Variants in SZT2 observed in about 807,000 individuals in gnomAD.
The protein encoded by SZT2 is SZT2 subunit of KICSTOR complex.
Under a neutral mutation model 404.2 loss-of-function variants are expected in SZT2, and 216 were observed. The observed-to-expected ratio is 0.53, with a 90% CI of 0.48 to 0.60. SZT2 has a LOEUF of 0.60. Ranked by LOEUF, SZT2 falls within the 20% of genes least tolerant of loss-of-function variation. The pLI is 0.00. For synonymous variants in SZT2, 1,693 were observed against 1,749.9 expected (o/e 0.97, Z 0.81); for missense variants, 3,857 against 4,459.2 (o/e 0.86, Z 3.85).
Position 43,439,232 on chromosome 1 carries a change from A to G in SZT2, c.6793-126A>G. 2.0e-6 allele frequency: 3 copies of G among 1,513,370 alleles called. No individual in the cohort carries two copies. Among genetic ancestry groups the G allele is most frequent in the Non-Finnish European group, 2.7e-6 (3 of 1,096,160 alleles). The allele number at this position is 1,513,370 out of a possible 1,614,324, so 93.7% of individuals were successfully genotyped here. ...CACCCATGCCCCCCCGGGGACCATT[A>G]TTACCCGCCTGTGTCTTCTCATGCT... On this transcript the variant is annotated intron_variant, in intron 48 of 71. Transcript: ENST00000634258. This position sits in a 1 kb window ranked among gnomAD's most constrained non-coding sequence, Gnocchi z 4.2.
chr1:43,430,728 C>T lies in SZT2; in HGVS notation c.4713C>T (p.Cys1571=). 1.9e-6 allele frequency: 3 copies of T among 1,613,266 alleles called. No individual in the cohort carries two copies. Among genetic ancestry groups the T allele is most frequent in the Non-Finnish European group, 2.5e-6 (3 of 1,180,026 alleles). The change falls in exon 32 of 72, where the codon TGC becomes TGT. Residue 1571 remains cysteine, a synonymous_variant. Coordinates refer to ENST00000634258, the MANE Select transcript of SZT2 (RefSeq NM_001365999.1). The stretch of plus-strand genomic sequence containing the variant: ...CACCGCTCTTCCTGCACCTCACGTG[C>T]TCCGTGCGGCTACGTGGGCAGCACA... ...DLPPLFLHLT[C]SVRLRGQHSS...
rs1287297230 is a variant in SZT2, at chr1:43,420,311, A to C, written c.1249A>C (p.Thr417Pro). ...AGAGGGCTACAGTGTCCGAGAGGTC[A>C]CACTGGCCAAAGGTAAGGGTCATTA... is the stretch of plus-strand genomic sequence containing the variant. ...LREGYSVREV[T>P]LAKGGSQLEV... The change falls in exon 9 of 72, where the codon ACA becomes CCA. Residue 417 changes from threonine (T) to proline (P), a missense_variant. Physicochemically the swap from Thr to Pro is conservative, Grantham distance 38 (BLOSUM62 -1). Transcript: ENST00000634258. This position sits in a 1 kb window ranked among gnomAD's most constrained non-coding sequence, Gnocchi z 5.1. 2 of 1,592,700 alleles carry C rather than the reference A, an allele frequency of 1.3e-6. No homozygotes were observed. The highest frequency in any genetic ancestry group is 1.7e-6 in the Non-Finnish European group (2 of 1,176,912).
At position 43,426,742 on chromosome 1, in the gene SZT2, A is replaced by T; in HGVS notation, c.3242A>T (p.His1081Leu). The T allele has an allele frequency of 6.2e-7, 1 of 1,613,202 alleles. No individual in the cohort carries two copies. Among genetic ancestry groups the T allele is most frequent in the Non-Finnish European group, 8.5e-7 (1 of 1,179,700 alleles). Residue 1081 changes from histidine (H) to leucine (L), a missense_variant, in exon 23 of 72, where the codon CAT (histidine) becomes CTT (leucine). By Grantham distance (99) the His-to-Leu change is moderately conservative. Transcript: ENST00000634258. The surrounding 1 kb of genome is among the most constrained non-coding windows in gnomAD (Gnocchi z 4.9). ...PGAEGPLLGV[H>L]GIPKEQAVGS... ...GCCGAGGGGCCACTGCTGGGGGTTCATGGGATCCCGAAGGAGCAAGCAGTC... is the reference window on the plus strand; with the variant it reads ...GCCGAGGGGCCACTGCTGGGGGTTCTTGGGATCCCGAAGGAGCAAGCAGTC...
rs1391888607 is a variant in SZT2 at position 43,434,396 on chromosome 1, C to T, written c.5815C>T (p.Arg1939Trp). The T allele has an allele frequency of 5.0e-6, 8 of 1,593,924 alleles. No individual in the cohort carries two copies. Among genetic ancestry groups the T allele is most frequent in the South Asian group, 3.5e-5 (3 of 86,814 alleles). The change falls in exon 41 of 72, where the codon CGG (arginine) becomes TGG (tryptophan). Residue 1939 changes from arginine to tryptophan, a missense_variant. This residue lies in a region of SZT2 where 1,725 missense variants were observed against 1,881.0 expected (regional missense o/e 0.92). Transcript: ENST00000634258. ...EVYAHARSLIREDGGPGTECR... is the reference protein window; with the variant it reads ...EVYAHARSLIWEDGGPGTECR... The stretch of plus-strand genomic sequence containing the variant: ...ATCCTTCCTTCCCAGGAGCCTGATT[C>T]GGGAGGATGGGGGGCCGGGCACTGA...
chr1:43,438,878 C>T, intron 47 of SZT2, 51 bp from the exon 48 acceptor site: 1 of 1,613,230 alleles, frequency 6.2e-7, no homozygotes, highest in South Asian at 1.1e-5. Flanking sequence ...CCAGGACAGT[C>T]TAGGCTGGAA....
intron 51 of SZT2, 24 bp from the exon 52 acceptor site, chr1:43,440,429 G>A (rs546804027): frequency 1.3e-6 from 2 of 1,559,902 alleles, no homozygotes; most frequent in South Asian, 2.4e-5. Context: ...AGTGATGGGT[G>A]TCTGTAATGT....
Position 43,425,814 on chromosome 1 carries a change from C to T in SZT2, c.2815-21C>T, listed in dbSNP as rs1653074432. ...TGGGCTAAGAGGGGTTGACTCCTGA[C>T]CTCTGATGTTCTTCCTGTAGCTCCA... On this transcript the variant is annotated intron_variant, in intron 19 of 71. Coordinates refer to ENST00000634258, the MANE Select transcript of SZT2 (RefSeq NM_001365999.1). This position sits in a 1 kb window ranked among gnomAD's most constrained non-coding sequence, Gnocchi z 4.3. 2 of 1,610,666 alleles carry T rather than the reference C, an allele frequency of 1.2e-6. No individual in the cohort carries two copies. The highest frequency in any genetic ancestry group is 1.7e-6 in the Non-Finnish European group (2 of 1,177,130).
At chr1:43,399,092 GA>G (rs928816715) in intron 1 of SZT2, among the ~76,000 whole-genome samples, 3 of 151,420 alleles carry the variant, frequency 2.0e-5, no homozygotes, top group Non-Finnish European at 4.4e-5. Context: ...AAAAAAAAAA[GA>G]AAAAAATCAT....
Position 43,437,235 on chromosome 1 carries a change from T to G in SZT2, c.6099T>G (p.Pro2033=). 6.2e-7 allele frequency: 1 copy of G among 1,614,188 alleles called. No individual in the cohort carries two copies. The highest frequency in any genetic ancestry group is 8.5e-7 in the Non-Finnish European group (1 of 1,180,030). The change falls in exon 43 of 72, where the codon CCT becomes CCG. Residue 2033 remains proline, a synonymous_variant. Transcript: ENST00000634258. This position sits in a 1 kb window ranked among gnomAD's most constrained non-coding sequence, Gnocchi z 5.3. ...TGGCAGCCACAATGCAGTTTGTCCC[T>G]GGCCATTTCTCCTGTGACGTTGTGT... ...GYLAATMQFV[P]GHFSCDVVWG...
At position 43,425,166 on chromosome 1, in the gene SZT2, G is replaced by A; in HGVS notation, c.2604G>A (p.Gln868=). The A allele has an allele frequency of 6.2e-7, 1 of 1,614,176 alleles. No individual in the cohort carries two copies. Among genetic ancestry groups the A allele is most frequent in the Non-Finnish European group, 8.5e-7 (1 of 1,180,026 alleles). The change falls in exon 18 of 72, where the codon CAG becomes CAA. Residue 868 remains glutamine, a synonymous_variant. Transcript: ENST00000634258. The surrounding 1 kb of genome is among the most constrained non-coding windows in gnomAD (Gnocchi z 4.3). Reference sequence around the variant, plus strand: ...AAGAGAAGCACACCTGTGTTGTCCAGTACATCCTCTTCCCCCCACACTCTA... The same window carrying A: ...AAGAGAAGCACACCTGTGTTGTCCAATACATCCTCTTCCCCCCACACTCTA... ...AAEEKHTCVV[Q]YILFPPHSTS...
At chr1:43,417,683 G>C (rs906883173) in intron 7 of SZT2, among the ~76,000 whole-genome samples, 1 of 152,200 alleles carries the variant, frequency 6.6e-6, no homozygotes, top group Non-Finnish European at 1.5e-5. Context: ...ATGTAGCATT[G>C]TACGTAATCA....
rs776369164 is a variant in SZT2, at chr1:43,448,382, G to T, written c.9867G>T (p.Gly3289=). The change falls in exon 69 of 72, where the codon GGG becomes GGT. Residue 3289 remains glycine (G), a synonymous_variant. Coordinates refer to ENST00000634258, the MANE Select transcript of SZT2 (RefSeq NM_001365999.1). This position sits in a 1 kb window ranked among gnomAD's most constrained non-coding sequence, Gnocchi z 4.2. The part of the protein sequence containing the change: ...WKRLFLLEPP[G]PDRLRLGGRL... ...GCCTCTTCTTGCTGGAGCCACCGGGGCCTGATCGACTGCGGCTAGGGGGGC... is the reference window on the plus strand; with the variant it reads ...GCCTCTTCTTGCTGGAGCCACCGGGTCCTGATCGACTGCGGCTAGGGGGGC... The T allele has an allele frequency of 6.4e-7, 1 of 1,563,732 alleles. No individual in the cohort carries two copies. Among genetic ancestry groups the T allele is most frequent in the Middle Eastern group, 1.7e-4 (1 of 6,010 alleles).
In SZT2 at chr1:43,403,646, G is replaced by C. The variant is rs770441283; in HGVS notation, c.199G>C (p.Gly67Arg). The C allele has an allele frequency of 6.2e-7, 1 of 1,614,170 alleles. No homozygotes were observed. Among genetic ancestry groups the C allele is most frequent in the Non-Finnish European group, 8.5e-7 (1 of 1,180,040 alleles). ...GGAAGTCCTCAGTGTCCTGCCCCCT[G>C]GGTGGCAGCCAGATGAACCAGTGGT... Reference protein sequence around the residue: ...ELEVLSVLPPGWQPDEPVVPR... With the variant: ...ELEVLSVLPPRWQPDEPVVPR... The change falls in exon 3 of 72, where the codon GGG becomes CGG. Residue 67 changes from glycine to arginine, a missense_variant. Physicochemically the swap from Gly to Arg is moderately radical, Grantham distance 125 (BLOSUM62 -2). This residue lies in a region of SZT2 where 536 missense variants were observed against 637.4 expected (regional missense o/e 0.84). Coordinates refer to ENST00000634258, the MANE Select transcript of SZT2 (RefSeq NM_001365999.1).
chr1:43,430,802 C>T lies in SZT2; in HGVS notation c.4774+13C>T, dbSNP rs1275813631. 6.2e-7 allele frequency: 1 copy of T among 1,601,186 alleles called. No homozygotes were observed. Among genetic ancestry groups the T allele is most frequent in the Admixed American group, 1.7e-5 (1 of 59,644 alleles). The stretch of plus-strand genomic sequence containing the variant: ...CCTACCTGCCTGGGTGAGTTTGAGG[C>T]AGCCCGAGGGAAAGCCAAAGGTCCT... On this transcript the variant is annotated intron_variant, in intron 32 of 71. Coordinates refer to ENST00000634258, the MANE Select transcript of SZT2 (RefSeq NM_001365999.1).
In SZT2 at chr1:43,389,911, T is replaced by G; in HGVS notation, c.-58T>G. The G allele has an allele frequency of 6.5e-7, 1 of 1,547,744 alleles. No homozygotes were observed. Among genetic ancestry groups the G allele is most frequent in the Non-Finnish European group, 8.7e-7 (1 of 1,148,448 alleles). ...CCTGCTGGGTGCCGAGGTAGCGAGG[T>G]CAGGGGTCAAGAGTGGAACACCCTC... On this transcript the variant is annotated 5_prime_UTR_variant, in exon 1 of 72. Transcript: ENST00000634258.
In SZT2 at chr1:43,442,430, C is replaced by T; in HGVS notation, c.7975-12C>T. On this transcript the variant is annotated splice_polypyrimidine_tract_variant and intron_variant, in intron 57 of 71. Transcript: ENST00000634258. The surrounding 1 kb of genome is among the most constrained non-coding windows in gnomAD (Gnocchi z 4.5). ...TTCCGTGATCTCACTGACCCTGACCCCCGACCTCCAGCTACAGCTGCTGAC... is the reference window on the plus strand; with the variant it reads ...TTCCGTGATCTCACTGACCCTGACCTCCGACCTCCAGCTACAGCTGCTGAC... 2.5e-6 allele frequency: 4 copies of T among 1,612,250 alleles called. No homozygotes were observed. Among genetic ancestry groups the T allele is most frequent in the African/African-American group, 1.3e-5 (1 of 75,032 alleles).
chr1:43,431,228 T>C (rs371235329), intron 33 of SZT2, 37 bp from the exon 34 acceptor site: 1 of 1,569,808 alleles, frequency 6.4e-7, no homozygotes, highest in African/African-American at 1.4e-5. Flanking sequence ...GGTAGGATAG[T>C]AACTCCTGAC....
rs960919605 is a variant in SZT2, at chr1:43,452,569, C to T, written c.*2089C>T. 3 of 615,074 alleles carry T rather than the reference C, an allele frequency of 4.9e-6. No homozygotes were observed. The highest frequency in any genetic ancestry group is 2.8e-5 in the East Asian group (1 of 35,890). 38.1% of individuals were successfully genotyped at this position (615,074 alleles called of 1,614,324 possible). ...CAGTACTTTCCAAAACCTTTCCTTC[C>T]CTCGGTCCTTCTCCGCAACCTGTAA... On this transcript the variant is annotated 3_prime_UTR_variant, in exon 72 of 72. Transcript: ENST00000634258.
intron 38 of SZT2, 52 bp downstream of exon 38, chr1:43,432,656 A>G: frequency 2.5e-6 from 4 of 1,613,110 alleles, no homozygotes; most frequent in Middle Eastern, 1.7e-4. Flanking sequence ...ATCCCTGACC[A>G]TGCTTCCATT....
Sources: gnomAD v4.1 joint callset for allele counts (sites outside exome capture counted in the v4.1 genomes callset) on GRCh38, gnomAD v4.1.1 for gene constraint, gnomAD v4.1.1 regional missense constraint, Gnocchi (gnomAD v3.1) non-coding constraint, MANE v1.5 for transcripts, NCBI Gene and HGNC (gene_info 2026-07-23, HGNC 2026-07-21) for gene names.